NAALADL2: variants seen among roughly 807,000 people sequenced by gnomAD.
NAALADL2 encodes the protein N-acetylated alpha-linked acidic dipeptidase like 2, also known as inactive N-acetylated-alpha-linked acidic dipeptidase-like protein 2.
A neutral mutation model predicts 87.2 loss-of-function variants in NAALADL2; 76 were observed. The observed-to-expected ratio is 0.87, with a 90% CI of 0.72 to 1.05. The LOEUF is 1.05. NAALADL2 is among the 50% of genes least tolerant of loss of function. The pLI is 0.00. For missense variants in NAALADL2, 1,089 were observed against 945.8 expected (o/e 1.15, Z -1.99); for synonymous variants, 354 against 331.0 (o/e 1.07, Z -0.75).
intron 2 of NAALADL2, among the ~76,000 whole-genome samples, chr3:175,213,492 C>G (rs762346566): frequency 6.6e-6 from 1 of 152,000 alleles, no homozygotes; most frequent in South Asian, 2.1e-4. Context: ...TTTGATATAT[C>G]AAAATCAAAT....
chr3:174,456,502 C>T (rs1410830825), intron 1 of NAALADL2, among the ~76,000 whole-genome samples: 4 of 150,778 alleles, frequency 2.7e-5, no homozygotes, highest in Non-Finnish European at 5.9e-5. Flanking sequence ...AACAGCATGG[C>T]ACTGGTACAA....
intron 10 of NAALADL2, among the ~76,000 whole-genome samples, chr3:175,582,741 T>C (rs1719962910): frequency 2.0e-5 from 3 of 152,218 alleles, no homozygotes; most frequent in Admixed American, 2.0e-4. Context: ...GGTCACAGTC[T>C]AGATTCAAAC....
At chr3:175,720,589 C>T (rs779345728) in intron 11 of NAALADL2, among the ~76,000 whole-genome samples, 8 of 151,658 alleles carry the variant, frequency 5.3e-5, no homozygotes, top group East Asian at 1.9e-4. Context: ...TCATTAATGA[C>T]GTCAATTTTT....
chr3:175,246,857 G>A (rs951945391), intron 3 of NAALADL2, among the ~76,000 whole-genome samples: 1 of 152,062 alleles, frequency 6.6e-6, no homozygotes, highest in Non-Finnish European at 1.5e-5. Context: ...AAAAGCAAGA[G>A]AAAAGATATG....
intron 3 of NAALADL2, among the ~76,000 whole-genome samples, chr3:174,853,293 G>A: frequency 6.9e-6 from 1 of 145,928 alleles, no homozygotes; most frequent in Non-Finnish European, 1.5e-5. Flanking sequence ...CAGGAGAATT[G>A]CTTGAACTTG....
intron 9 of NAALADL2, among the ~76,000 whole-genome samples, chr3:175,481,115 T>C (rs1726393176): frequency 6.6e-6 from 1 of 151,930 alleles, no homozygotes; most frequent in Admixed American, 6.6e-5. Context: ...AAAAAAGCAG[T>C]ATTATCATTG....
chr3:175,380,852 T>C (rs1203174191), intron 5 of NAALADL2, among the ~76,000 whole-genome samples: 1 of 152,130 alleles, frequency 6.6e-6, no homozygotes, highest in African/African-American at 2.4e-5. Context: ...CTGAATATGA[T>C]GAAATCTGAG....
chr3:175,329,071 A>T (rs1384523549), intron 5 of NAALADL2, among the ~76,000 whole-genome samples: 1 of 152,126 alleles, frequency 6.6e-6, no homozygotes, highest in Non-Finnish European at 1.5e-5. Context: ...TGTTGATTTT[A>T]ATTTTAGTAA....
At chr3:174,496,857 C>T (rs977541557) in intron 1 of NAALADL2, among the ~76,000 whole-genome samples, 3 of 151,936 alleles carry the variant, frequency 2.0e-5, no homozygotes, top group African/African-American at 4.8e-5. Flanking sequence ...TAAACACGAA[C>T]GTATCAGCAA....
intron 2 of NAALADL2, among the ~76,000 whole-genome samples, chr3:174,708,496 C>A (rs868620243): frequency 8.5e-5 from 13 of 152,140 alleles, no homozygotes; most frequent in African/African-American, 3.1e-4. Flanking sequence ...TAAAGCTGAT[C>A]TTCTGAGAAA....
At chr3:174,740,650 T>C (rs1324069318) in intron 3 of NAALADL2, among the ~76,000 whole-genome samples, 1 of 151,900 alleles carries the variant, frequency 6.6e-6, no homozygotes, top group Non-Finnish European at 1.5e-5. Flanking sequence ...AAAGTTGAGA[T>C]ATTCACAAAG....
chr3:174,503,049 C>A (rs1421636211), intron 1 of NAALADL2, among the ~76,000 whole-genome samples: 1 of 151,074 alleles, frequency 6.6e-6, no homozygotes, highest in African/African-American at 2.4e-5. Context: ...AACCTCTTAT[C>A]TTTCATATTA....
intron 1 of NAALADL2, among the ~76,000 whole-genome samples, chr3:174,478,441 GT>G (rs1174992372): frequency 6.6e-6 from 1 of 151,928 alleles, no homozygotes; most frequent in African/African-American, 2.4e-5. Context: ...ATAAAATAAT[GT>G]TTATGATATA....
chr3:175,337,138 T>G (rs1237620680), intron 5 of NAALADL2, among the ~76,000 whole-genome samples: 1 of 152,130 alleles, frequency 6.6e-6, no homozygotes. Context: ...TAATTGGAAT[T>G]ACATAAGACA....
chr3:175,083,772 C>T (rs1283419337), intron 1 of NAALADL2, among the ~76,000 whole-genome samples: 1 of 152,094 alleles, frequency 6.6e-6, no homozygotes, highest in Non-Finnish European at 1.5e-5. Context: ...AGTTAAAATA[C>T]CTACCACCAA....
At chr3:174,769,830 A>G (rs890332299) in intron 3 of NAALADL2, among the ~76,000 whole-genome samples, 44 of 151,840 alleles carry the variant, frequency 2.9e-4, no homozygotes, top group African/African-American at 1.0e-3. Flanking sequence ...AATAGCTACA[A>G]TGTTTATACC....
At chr3:174,709,269 C>G (rs980958149) in intron 2 of NAALADL2, among the ~76,000 whole-genome samples, 2 of 152,086 alleles carry the variant, frequency 1.3e-5, no homozygotes, top group Non-Finnish European at 2.9e-5. Flanking sequence ...GAATATGGCT[C>G]TGAACTTCCT....
chr3:175,576,055 C>G lies in NAALADL2; in HGVS notation c.1668C>G (p.Asn556Lys). 3 of 1,608,508 alleles carry G rather than the reference C, an allele frequency of 1.9e-6. No individual in the cohort carries two copies. The highest frequency in any genetic ancestry group is 2.5e-6 in the Non-Finnish European group (3 of 1,178,082). ...ATGTTTTTCAGAAAAATAATTTCAACTGTACCAGAAGAGCCCAGTGCCCAG... is the reference window on the plus strand; with the variant it reads ...ATGTTTTTCAGAAAAATAATTTCAAGTGTACCAGAAGAGCCCAGTGCCCAG... ...QQLVVEKNNF[N>K]CTRRAQCPET... The change falls in exon 10 of 14, where the codon AAC (asparagine) becomes AAG (lysine). Residue 556 changes from asparagine to lysine, a missense_variant. Asn to Lys is a moderately conservative substitution (Grantham distance 94, BLOSUM62 0). Transcript: ENST00000454872.
chr3:175,750,912 A>G (rs1746545361), intron 12 of NAALADL2, among the ~76,000 whole-genome samples: 1 of 152,186 alleles, frequency 6.6e-6, no homozygotes, highest in Non-Finnish European at 1.5e-5. Context: ...TAACATATAA[A>G]AAAGGACTCA....
Sources: allele counts gnomAD v4.1 joint callset (sites outside exome capture counted in the v4.1 genomes callset), GRCh38; gene constraint gnomAD v4.1.1; transcripts MANE v1.5; gene names NCBI Gene and HGNC (gene_info 2026-07-23, HGNC 2026-07-21).